The following MAP7D2 variants were observed in gnomAD, a reference collection of about 807,000 sequenced individuals.
MAP7D2 encodes MAP7 domain containing 2, also known as MAP7 domain-containing protein 2.
Under a neutral mutation model 63.5 loss-of-function variants are expected in MAP7D2, and 33 were observed. The ratio of observed to expected loss-of-function variants is 0.52; its 90% confidence interval spans 0.39 to 0.70. The LOEUF (loss-of-function observed/expected upper bound fraction) is 0.70. Ranked by LOEUF, MAP7D2 falls within the 30% of genes least tolerant of loss-of-function variation. The pLI is 0.00. For missense variants in MAP7D2, 626 were observed against 604.0 expected (o/e 1.04, Z -0.38); for synonymous variants, 224 against 223.7 (o/e 1.00, Z -0.01).
intron 8 of MAP7D2, among the ~76,000 whole-genome samples, chrX:20,027,645 T>C (rs962153963): frequency 9.5e-6 from 1 of 105,503 alleles, no homozygotes; most frequent in African/African-American, 3.5e-5. Flanking sequence ...AAGATCTCCC[T>C]CAACTGAGAA....
intron 1 of MAP7D2, 111 bp downstream of exon 1, chrX:20,116,639 G>A: frequency 1.9e-6 from 2 of 1,030,653 alleles, no homozygotes; most frequent in Non-Finnish European, 2.5e-6. Flanking sequence ...TCTCAGCTCT[G>A]CGCCGTGCCC....
At chrX:20,106,319 C>A (rs2066565032) in intron 1 of MAP7D2, among the ~76,000 whole-genome samples, 1 of 112,009 alleles carries the variant, frequency 8.9e-6, no homozygotes, top group African/African-American at 3.2e-5. Flanking sequence ...TTCACCCAGG[C>A]TGGGGAAAGC....
At position 20,036,780 on chromosome X, in the gene MAP7D2, T is replaced by C. The variant is rs769709577; in HGVS notation, c.1007+5722A>G. ...TTAGCCGGGCGTGGTGGCGCACCCCTGTAATCCCAGCTACTTGGGAGGCTG... is the reference window on the plus strand; with the variant it reads ...TTAGCCGGGCGTGGTGGCGCACCCCCGTAATCCCAGCTACTTGGGAGGCTG... On this transcript the variant is annotated intron_variant, in intron 8 of 16. Transcript: ENST00000379643. Among the ~76,000 whole-genome samples, 3 of 101,832 alleles carry C rather than the reference T, an allele frequency of 2.9e-5. No individual in the cohort carries two copies. In the South Asian group the frequency reaches 1.5e-3, roughly 51 times the overall value. 88.4% of individuals were successfully genotyped at this position (101,832 alleles called of 115,157 possible). A position where few individuals can be genotyped will look rare whatever the true frequency, so the allele number is the denominator to read the frequency against.
At chrX:20,079,357 C>T (rs1305409770) in intron 1 of MAP7D2, among the ~76,000 whole-genome samples, 1 of 112,249 alleles carries the variant, frequency 8.9e-6, no homozygotes, top group Non-Finnish European at 1.9e-5. Flanking sequence ...GAAGCTGGTT[C>T]GTTGGTCCTG....
chrX:20,091,098 G>T (rs2066057925), intron 1 of MAP7D2, among the ~76,000 whole-genome samples: 1 of 104,836 alleles, frequency 9.5e-6, no homozygotes, highest in Admixed American at 1.0e-4. Context: ...TGTTGCCCAG[G>T]CTGGAGTGCA....
intron 10 of MAP7D2, among the ~76,000 whole-genome samples, chrX:20,019,595 CTTGAA>C (rs983839754): frequency 8.9e-6 from 1 of 112,009 alleles, no homozygotes; most frequent in African/African-American, 3.2e-5. Context: ...CAAACTTAAA[CTTGAA>C]TTGTTCAATC....
chrX:20,038,720 C>T (rs952402492), intron 8 of MAP7D2, among the ~76,000 whole-genome samples: 7 of 111,325 alleles, frequency 6.3e-5, no homozygotes, highest in African/African-American at 2.3e-4. Flanking sequence ...AATGCTGCCA[C>T]CAGGAGATAC....
At chrX:20,085,188 C>T (rs1161146273) in intron 1 of MAP7D2, among the ~76,000 whole-genome samples, 1 of 112,076 alleles carries the variant, frequency 8.9e-6, no homozygotes, top group East Asian at 2.8e-4. Flanking sequence ...GTCATAATCC[C>T]TGTTGGTGAA....
At chrX:20,018,261 T>TG (rs1262586436) in intron 10 of MAP7D2, among the ~76,000 whole-genome samples, 1 of 108,921 alleles carries the variant, frequency 9.2e-6, no homozygotes, top group Non-Finnish European at 1.9e-5. Context: ...CCGCTGCACT[T>TG]GGCCTCTGTT....
At chrX:20,043,863 T>C (rs1039682477) in intron 7 of MAP7D2, among the ~76,000 whole-genome samples, 1 of 111,901 alleles carries the variant, frequency 8.9e-6, no homozygotes, top group Non-Finnish European at 1.9e-5. Flanking sequence ...CTTGGCATAG[T>C]AACATGTGCC....
At chrX:20,095,459 A>G (rs968827597) in intron 1 of MAP7D2, among the ~76,000 whole-genome samples, 1 of 111,432 alleles carries the variant, frequency 9.0e-6, no homozygotes, top group Non-Finnish European at 1.9e-5. Flanking sequence ...GGATAACTTA[A>G]GCCCAGGAAT....
intron 8 of MAP7D2, among the ~76,000 whole-genome samples, chrX:20,033,702 T>A (rs2074119351): frequency 8.9e-6 from 1 of 111,748 alleles, no homozygotes; most frequent in African/African-American, 3.3e-5. Flanking sequence ...GGATTCTGGA[T>A]GGGTGAGTTC....
At chrX:20,049,909 T>A in intron 6 of MAP7D2, 1 of 303,133 alleles carries the variant, frequency 3.3e-6, no homozygotes. Flanking sequence ...CCCACTATGG[T>A]TTTGATTTGC....
chrX:20,048,968 C>A (rs73193569), intron 6 of MAP7D2, among the ~76,000 whole-genome samples: 1 of 109,742 alleles, frequency 9.1e-6, no homozygotes, highest in African/African-American at 3.3e-5. Context: ...TATATGTATA[C>A]GTATACATAT....
At chrX:20,041,408 T>C (rs2064652214) in intron 8 of MAP7D2, among the ~76,000 whole-genome samples, 2 of 112,071 alleles carry the variant, frequency 1.8e-5, no homozygotes, top group African/African-American at 6.5e-5. Context: ...ATTTTCCTTA[T>C]GGAGGACAAA....
At chrX:20,092,971 C>T (rs772446366) in intron 1 of MAP7D2, among the ~76,000 whole-genome samples, 1 of 112,145 alleles carries the variant, frequency 8.9e-6, no homozygotes, top group East Asian at 2.8e-4. Flanking sequence ...ATGGGCCACA[C>T]ACTGAAATCT....
At chrX:20,088,475 T>G (rs1485953963) in intron 1 of MAP7D2, among the ~76,000 whole-genome samples, 2 of 27,058 alleles carry the variant, frequency 7.4e-5, no homozygotes, top group East Asian at 7.1e-4. Context: ...TCAGTTTTTT[T>G]TTTTTTTTTT....
intron 1 of MAP7D2, among the ~76,000 whole-genome samples, chrX:20,077,085 C>T (rs928419655): frequency 8.9e-6 from 1 of 112,298 alleles, no homozygotes; most frequent in African/African-American, 3.2e-5. Context: ...CCCTGACCCC[C>T]GACTCCAAAA....
rs140722964 is a variant in MAP7D2, at chrX:20,113,244, A to G, written c.130+3506T>C. ...TCAACTTGTTCTCTTGTTCTTCTTG[A>G]TCTGAACACTTTTTTTTTTAAGATC... is the stretch of plus-strand genomic sequence containing the variant. On this transcript the variant is annotated intron_variant, in intron 1 of 16. Transcript: ENST00000379643. Among the ~76,000 whole-genome samples the G allele has an allele frequency of 1.1e-4, 12 of 111,449 alleles. No homozygotes were observed. In the East Asian group the frequency reaches 3.4e-3, roughly 31 times the overall value.
Sources: allele counts gnomAD v4.1 joint callset (sites outside exome capture counted in the v4.1 genomes callset), GRCh38; gene constraint gnomAD v4.1.1; transcripts MANE v1.5; gene names NCBI Gene and HGNC (gene_info 2026-07-23, HGNC 2026-07-21).